Variants in ARB2A observed in about 807,000 individuals in gnomAD.
ARB2A encodes the protein ARB2 cotranscriptional regulator A.
the ARB2A span, chr5:93,865,913 A>C: frequency 5.1e-6 from 5 of 985,452 alleles, no homozygotes; most frequent in Admixed American, 6.1e-5. Context: ...TATCGCTATG[A>C]GGGCTGCCCC....
the ARB2A span, among the ~76,000 whole-genome samples, chr5:93,617,884 T>C: frequency 1.3e-5 from 2 of 152,152 alleles, no homozygotes; most frequent in Non-Finnish European, 2.9e-5. Context: ...GCAAGCCAAA[T>C]AGTGACTCAA....
chr5:93,671,040 G>A, the ARB2A span, among the ~76,000 whole-genome samples: 1 of 152,124 alleles, frequency 6.6e-6, no homozygotes, highest in African/African-American at 2.4e-5. Context: ...ACAAAATGCT[G>A]ACACTGATTA....
chr5:93,715,433 C>T, the ARB2A span, among the ~76,000 whole-genome samples: 2 of 152,144 alleles, frequency 1.3e-5, no homozygotes, highest in African/African-American at 4.8e-5. Context: ...TTTACCTTTG[C>T]ACTTTGTAGT....
At chr5:93,857,356 T>C in the ARB2A span, among the ~76,000 whole-genome samples, 1 of 152,202 alleles carries the variant, frequency 6.6e-6, no homozygotes, top group African/African-American at 2.4e-5. Context: ...GTTACTGCTG[T>C]CTTTTTGTTT....
chr5:93,961,363 T>C, the ARB2A span, among the ~76,000 whole-genome samples: 1 of 152,222 alleles, frequency 6.6e-6, no homozygotes, highest in Admixed American at 6.5e-5. Context: ...AATGGAATAC[T>C]GGCACTTTGA....
At chr5:93,672,629 C>T in the ARB2A span, among the ~76,000 whole-genome samples, 2 of 151,802 alleles carry the variant, frequency 1.3e-5, no homozygotes, top group Non-Finnish European at 1.5e-5. Flanking sequence ...TATTTTAGTG[C>T]ATTAAAAAAT....
At chr5:93,888,902 T>C in the ARB2A span, among the ~76,000 whole-genome samples, 1 of 151,788 alleles carries the variant, frequency 6.6e-6, no homozygotes, top group Non-Finnish European at 1.5e-5. Flanking sequence ...ATTCATTAAA[T>C]ACCGATTTCA....
the ARB2A span, among the ~76,000 whole-genome samples, chr5:93,702,939 T>A: frequency 6.6e-6 from 1 of 152,198 alleles, no homozygotes; most frequent in East Asian, 1.9e-4. Flanking sequence ...AATTCTTTAT[T>A]TTTACTTGTG....
the ARB2A span, among the ~76,000 whole-genome samples, chr5:93,846,762 C>T: frequency 1.3e-5 from 2 of 152,120 alleles, no homozygotes; most frequent in South Asian, 2.1e-4. Context: ...ATCATCTGAA[C>T]CTTCACTGAA....
the ARB2A span, among the ~76,000 whole-genome samples, chr5:93,897,841 C>T: frequency 6.6e-6 from 1 of 151,530 alleles, no homozygotes; most frequent in Non-Finnish European, 1.5e-5. Context: ...AAAAAAAGGA[C>T]AATACAAAAT....
chr5:93,948,274 C>A, the ARB2A span, among the ~76,000 whole-genome samples: 1 of 152,302 alleles, frequency 6.6e-6, no homozygotes, highest in South Asian at 2.1e-4. Context: ...TGATGATGAG[C>A]ATTTTTTCAT....
chr5:93,854,164 C>T, the ARB2A span, among the ~76,000 whole-genome samples: 1 of 152,198 alleles, frequency 6.6e-6, no homozygotes, highest in Non-Finnish European at 1.5e-5. Flanking sequence ...AGAGATTCAA[C>T]TTCTTCCTGA....
chr5:93,909,756 CTTAAA>C, the ARB2A span, among the ~76,000 whole-genome samples: 2 of 150,838 alleles, frequency 1.3e-5, no homozygotes, highest in Non-Finnish European at 3.0e-5. Flanking sequence ...AGCCCCCCTA[CTTAAA>C]TTAAAATATA....
chr5:93,692,532 AC>A, the ARB2A span, among the ~76,000 whole-genome samples: 2 of 152,324 alleles, frequency 1.3e-5, no homozygotes, highest in South Asian at 4.1e-4. Flanking sequence ...ATATAGGAGT[AC>A]CCAGATTCAT....
the ARB2A span, among the ~76,000 whole-genome samples, chr5:93,688,723 A>C: frequency 1.3e-5 from 2 of 152,146 alleles, no homozygotes; most frequent in Non-Finnish European, 2.9e-5. Context: ...TTCTCCTAAA[A>C]ATATTTTCTC....
the ARB2A span, among the ~76,000 whole-genome samples, chr5:94,000,121 T>G: frequency 6.6e-6 from 1 of 152,120 alleles, no homozygotes; most frequent in Non-Finnish European, 1.5e-5. Flanking sequence ...AAATCTACTA[T>G]AAACATCCAT....
the ARB2A span, among the ~76,000 whole-genome samples, chr5:93,655,599 C>T: frequency 1.4e-4 from 22 of 152,140 alleles, no homozygotes; most frequent in Admixed American, 8.5e-4. Context: ...GTTAGTAATA[C>T]GCAAGGGAAA....
chr5:93,870,656 G>A, the ARB2A span, among the ~76,000 whole-genome samples: 4 of 152,274 alleles, frequency 2.6e-5, no homozygotes, highest in Admixed American at 6.5e-5. Flanking sequence ...GAATAAAACT[G>A]CCTGTGACTT....
At chr5:94,027,870 G>A in the ARB2A span, among the ~76,000 whole-genome samples, 1 of 152,116 alleles carries the variant, frequency 6.6e-6, no homozygotes, top group South Asian at 2.1e-4. Context: ...GGAAGGAAGG[G>A]GTGATCTTGT....
Sources: gnomAD v4.1 joint callset for allele counts (sites outside exome capture counted in the v4.1 genomes callset) on GRCh38, gnomAD v4.1.1 for gene constraint, MANE v1.5 for transcripts, NCBI Gene and HGNC (gene_info 2026-07-23, HGNC 2026-07-21) for gene names.